Variants in GIGYF2 observed in about 807,000 individuals in gnomAD.
GIGYF2 encodes the protein GRB10 interacting GYF protein 2.
A neutral mutation model predicts 208.1 loss-of-function variants in GIGYF2; 25 were observed. That is an observed-to-expected ratio of 0.12 (90% CI 0.09 to 0.17). GIGYF2 has a LOEUF of 0.17. GIGYF2 is among the 10% of genes least tolerant of loss of function. The pLI is 1.00. For synonymous variants in GIGYF2, 534 were observed against 543.8 expected, an observed-to-expected ratio of 0.98 and a Z score of 0.25; for missense variants, 1,302 against 1,579.4, an observed-to-expected ratio of 0.82 and a Z score of 2.98.
chr2:232,776,616 AGC>A, intron 8 of GIGYF2: 1 of 654,050 alleles, frequency 1.5e-6, no homozygotes, highest in Non-Finnish European at 2.8e-6. Flanking sequence ...GGCTGGTTTC[AGC>A]TGAGGTTGAT....
intron 3 of GIGYF2, among the ~76,000 whole-genome samples, chr2:232,740,708 A>C (rs928426201): frequency 6.6e-6 from 1 of 152,228 alleles, no homozygotes; most frequent in African/African-American, 2.4e-5. Flanking sequence ...TGTTGAATGA[A>C]GCCATTAGGG....
Position 232,836,326 on chromosome 2 carries a change from ATAT to A in GIGYF2, c.2766+3234_2766+3236del, listed in dbSNP as rs1701622794. Among the ~76,000 whole-genome samples the A allele has an allele frequency of 2.9e-4, 8 of 27,976 alleles. 1 individual carries two copies. The highest frequency in any genetic ancestry group is 9.1e-4 in the African/African-American group (8 of 8,806). 18.4% of individuals were successfully genotyped at this position (27,976 alleles called of 152,430 possible). A position where few individuals can be genotyped will look rare whatever the true frequency, so the allele number is the denominator to read the frequency against. ...TATATATATATATATATATATATAT[ATAT>A]ACATATATATACTTATATATTTATA... is the stretch of plus-strand genomic sequence containing the variant. On this transcript the variant is annotated intron_variant, in intron 22 of 28. Transcript: ENST00000373563.
chr2:232,783,141 A>G (rs1209480945), intron 8 of GIGYF2, among the ~76,000 whole-genome samples: 1 of 152,222 alleles, frequency 6.6e-6, no homozygotes, highest in Non-Finnish European at 1.5e-5. Flanking sequence ...TACTAACAAA[A>G]GAGAGACAAA....
rs745803573 is a variant in GIGYF2, at chr2:232,858,257, CATT to C, written c.*1398_*1400del. ...CTGGAAAAGCACCTTTGCTGCCTGTCATTGTTGCCTGAAGAAGGCTGGAGTTGC... is the reference window on the plus strand; with the variant it reads ...CTGGAAAAGCACCTTTGCTGCCTGTCGTTGCCTGAAGAAGGCTGGAGTTGC... On this transcript the variant is annotated 3_prime_UTR_variant, in exon 29 of 29. Coordinates refer to ENST00000373563, the MANE Select transcript of GIGYF2 (RefSeq NM_001103146.3). The C allele has an allele frequency of 1.3e-4, 46 of 342,902 alleles. No homozygotes were observed. Among genetic ancestry groups the C allele is most frequent in the Middle Eastern group, 1.0e-3 (1 of 988 alleles). 21.2% of individuals were successfully genotyped at this position (342,902 alleles called of 1,614,324 possible). A position where few individuals can be genotyped will look rare whatever the true frequency, so the allele number is the denominator to read the frequency against.
intron 2 of GIGYF2, among the ~76,000 whole-genome samples, chr2:232,710,251 G>A (rs553374027): frequency 3.3e-5 from 5 of 151,994 alleles, no homozygotes; most frequent in African/African-American, 4.8e-5. Flanking sequence ...GAGCCACCGC[G>A]CCTGGCCTAA....
intron 21 of GIGYF2, among the ~76,000 whole-genome samples, chr2:232,824,247 A>G (rs758394470): frequency 6.6e-6 from 1 of 152,222 alleles, no homozygotes; most frequent in South Asian, 2.1e-4. Context: ...TTTAAATTGA[A>G]TGCTAGAAAT....
intron 8 of GIGYF2, chr2:232,770,772 C>A (rs1299315904): frequency 1.5e-6 from 1 of 683,182 alleles, no homozygotes; most frequent in Non-Finnish European, 2.5e-6. Context: ...TTAGACATTA[C>A]CTGCTATCAA....
intron 8 of GIGYF2, among the ~76,000 whole-genome samples, chr2:232,770,728 A>ATT (rs59336151): frequency 2.1e-4 from 32 of 151,048 alleles, no homozygotes; most frequent in South Asian, 1.0e-3. Flanking sequence ...CATTTCTCCT[A>ATT]TTTTTTTTGG....
intron 21 of GIGYF2, among the ~76,000 whole-genome samples, chr2:232,821,125 C>T (rs111923841): frequency 1.3e-5 from 2 of 152,248 alleles, no homozygotes; most frequent in South Asian, 2.1e-4. Flanking sequence ...TTTTTGCTTT[C>T]TTGACAGTGT....
chr2:232,858,115 T>A lies in GIGYF2; in HGVS notation c.*1255T>A, dbSNP rs1250276498. On this transcript the variant is annotated 3_prime_UTR_variant, in exon 29 of 29. Transcript: ENST00000373563. ...TACTCAAGCCCTATTTATAAACAAA[T>A]ACTTTTCCTGCCTCCACCAAACCCC... 1 of 200,342 alleles carries A rather than the reference T, an allele frequency of 5.0e-6. No homozygotes were observed. Among genetic ancestry groups the A allele is most frequent in the Non-Finnish European group, 1.0e-5 (1 of 99,342 alleles). 12.4% of individuals were successfully genotyped at this position (200,342 alleles called of 1,614,324 possible).
intron 8 of GIGYF2, among the ~76,000 whole-genome samples, chr2:232,778,399 C>T (rs761685942): frequency 2.0e-5 from 3 of 152,186 alleles, no homozygotes; most frequent in Non-Finnish European, 4.4e-5. Flanking sequence ...TTCTGGATCT[C>T]TACAATTTGA....
chr2:232,847,153 T>C (rs955887338), intron 26 of GIGYF2, among the ~76,000 whole-genome samples, 195 bp from the exon 27 acceptor site: 2 of 152,210 alleles, frequency 1.3e-5, no homozygotes, highest in African/African-American at 4.8e-5. Flanking sequence ...GGTATGGATG[T>C]TGTGATTATA....
intron 6 of GIGYF2, among the ~76,000 whole-genome samples, chr2:232,759,902 A>C (rs746242494): frequency 6.6e-6 from 1 of 152,058 alleles, no homozygotes; most frequent in African/African-American, 2.4e-5. Context: ...GTCCTGATAC[A>C]TTTCTTTTTA....
chr2:232,836,283 TATATATA>T (rs1701598044), intron 22 of GIGYF2, among the ~76,000 whole-genome samples: 1 of 6,066 alleles, frequency 1.6e-4, no homozygotes, highest in African/African-American at 7.3e-4. Flanking sequence ...TATATATATA[TATATATA>T]TATATATATA....
chr2:232,797,198 G>A (rs548193450), intron 14 of GIGYF2, among the ~76,000 whole-genome samples: 7 of 152,010 alleles, frequency 4.6e-5, no homozygotes, highest in African/African-American at 4.8e-5. Context: ...GTGTAAGTTC[G>A]ATTAGAATGG....
At chr2:232,751,526 T>G (rs1698337793) in intron 5 of GIGYF2, among the ~76,000 whole-genome samples, 1 of 152,254 alleles carries the variant, frequency 6.6e-6, no homozygotes, top group Non-Finnish European at 1.5e-5. Context: ...CACATTATGA[T>G]TTTAAATAAA....
intron 12 of GIGYF2, among the ~76,000 whole-genome samples, chr2:232,793,542 A>G (rs1033604692): frequency 6.6e-6 from 1 of 152,108 alleles, no homozygotes; most frequent in African/African-American, 2.4e-5. Context: ...GGAGAGAGAA[A>G]TTCAGTTTTG....
chr2:232,721,085 A>G (rs773131091), intron 2 of GIGYF2, among the ~76,000 whole-genome samples: 1 of 152,200 alleles, frequency 6.6e-6, no homozygotes, highest in Non-Finnish European at 1.5e-5. Flanking sequence ...CTCAGAACTA[A>G]CAATATTTTG....
At chr2:232,714,003 G>T (rs1034324546) in intron 2 of GIGYF2, among the ~76,000 whole-genome samples, 2 of 147,676 alleles carry the variant, frequency 1.4e-5, no homozygotes, top group African/African-American at 5.0e-5. Flanking sequence ...AGGCTGGAGT[G>T]TAGTGGTGCG....
Sources: gnomAD v4.1 joint callset for allele counts (sites outside exome capture counted in the v4.1 genomes callset) on GRCh38, gnomAD v4.1.1 for gene constraint, MANE v1.5 for transcripts, NCBI Gene and HGNC (gene_info 2026-07-23, HGNC 2026-07-21) for gene names.